PTBP2: variants seen among roughly 807,000 people sequenced by gnomAD.
The protein encoded by PTBP2 is polypyrimidine tract-binding protein 2.
PTBP2 carries 13 observed loss-of-function variants against 61.4 expected under a neutral mutation model. The ratio of observed to expected loss-of-function variants is 0.21; its 90% CI spans 0.14 to 0.34. The LOEUF (loss-of-function observed/expected upper bound fraction) is 0.34, where lower values mean the gene tolerates loss of function less well. Among genes scored for constraint, PTBP2 ranks in the 10% least tolerant of loss-of-function variants. PTBP2 has a pLI of 1.00. For missense variants in PTBP2, 405 were observed against 642.6 expected (o/e 0.63, Z 4.00); for synonymous variants, 215 against 218.5 (o/e 0.98, Z 0.14).
chr1:96,723,292 G>T (rs1649892612), intron 1 of PTBP2, among the ~76,000 whole-genome samples: 1 of 152,168 alleles, frequency 6.6e-6, no homozygotes, highest in South Asian at 2.1e-4. Flanking sequence ...TTGTAGAAAT[G>T]GCATAGTGTT....
At chr1:96,820,284 T>C (rs1369375673) in exon 14 of PTBP2, 1 of 152,074 alleles carries the variant, frequency 6.6e-6, no homozygotes, top group African/African-American at 2.4e-5. Flanking sequence ...CAGAAGACAT[T>C]TGCTATGTAC....
At chr1:96,777,526 G>T (rs554307163) in intron 5 of PTBP2, 59 bp from the exon 6 acceptor site, 1 of 1,460,940 alleles carries the variant, frequency 6.8e-7, no homozygotes, top group South Asian at 1.4e-5. Context: ...AGTGTAACAG[G>T]TTGCAAAGTA....
intron 8 of PTBP2, among the ~76,000 whole-genome samples, chr1:96,803,094 G>A (rs1250789645): frequency 1.3e-5 from 2 of 152,140 alleles, no homozygotes; most frequent in African/African-American, 4.8e-5. Flanking sequence ...GAGAGGTATA[G>A]TATTTAACAT....
At chr1:96,723,706 T>C in intron 2 of PTBP2, 112 bp downstream of exon 2, 1 of 913,178 alleles carries the variant, frequency 1.1e-6, no homozygotes, top group South Asian at 2.0e-5. Context: ...AACCCAAGTG[T>C]AAAATGTTTC....
chr1:96,806,897 T>A lies in PTBP2; in HGVS notation c.1110T>A (p.Ile370=). 6.2e-7 allele frequency: 1 copy of A among 1,612,308 alleles called. No individual in the cohort carries two copies. Among genetic ancestry groups the A allele is most frequent in the Non-Finnish European group, 8.5e-7 (1 of 1,179,470 alleles). ...ATGGAGATGTGCAGCGTGTGAAGAT[T>A]TTATACAATAAGAAAGACAGCGCTC... ...GVYGDVQRVK[I]LYNKKDSALI... The change falls in exon 11 of 14, where the codon ATT becomes ATA. Residue 370 remains isoleucine (I), a synonymous_variant. Transcript: ENST00000674951.
At chr1:96,791,607 A>G (rs115305996) in intron 8 of PTBP2, among the ~76,000 whole-genome samples, 2,735 of 152,170 alleles carry the variant, frequency 0.018, 35 homozygotes, top group Non-Finnish European at 0.027. Context: ...GAAGATACAT[A>G]TATACTGGTT....
chr1:96,731,621 A>G (rs919680574), intron 2 of PTBP2, among the ~76,000 whole-genome samples: 2 of 152,148 alleles, frequency 1.3e-5, no homozygotes, highest in Admixed American at 1.3e-4. Flanking sequence ...ATGTATTTAC[A>G]TTTAGAATAT....
intron 7 of PTBP2, among the ~76,000 whole-genome samples, chr1:96,778,184 T>A (rs1341166056): frequency 1.3e-5 from 2 of 149,378 alleles, no homozygotes; most frequent in Admixed American, 6.7e-5. Flanking sequence ...TTTTTTTTTT[T>A]AATTTAAGGA....
chr1:96,724,676 TG>T (rs1291521704), intron 2 of PTBP2, among the ~76,000 whole-genome samples: 2 of 78,712 alleles, frequency 2.5e-5, no homozygotes, highest in South Asian at 4.5e-4. Context: ...GTATCCATAA[TG>T]GGGGGAGGGG....
rs1248974196 is a variant in PTBP2 at position 96,723,415 on chromosome 1, C to T, written c.9-149C>T. The T allele has an allele frequency of 7.2e-6, 4 of 552,348 alleles. No homozygotes were observed. In the South Asian group the frequency reaches 1.4e-4, roughly 19 times the overall value. The allele number at this position is 552,348 out of a possible 1,614,324, so 34.2% of individuals were successfully genotyped here. On this transcript the variant is annotated intron_variant, in intron 1 of 13. Coordinates refer to ENST00000674951, the MANE Select transcript of PTBP2 (RefSeq NM_021190.4). ...GGTTGGTAACAGTACAGGTAAGTCA[C>T]GGATCATCTGTGGTATTTTTTATCC...
At chr1:96,730,878 G>A (rs990137712) in intron 2 of PTBP2, among the ~76,000 whole-genome samples, 1 of 152,134 alleles carries the variant, frequency 6.6e-6, no homozygotes, top group African/African-American at 2.4e-5. Flanking sequence ...AGGGATTATT[G>A]TCCATCATTG....
At chr1:96,821,818 AG>A (rs1453494141) in exon 14 of PTBP2, 2 of 152,032 alleles carry the variant, frequency 1.3e-5, no homozygotes, top group African/African-American at 4.8e-5. Flanking sequence ...TAGTAGAGAC[AG>A]GGTTTTACCA....
Position 96,723,610 on chromosome 1 carries a change from G to C in PTBP2, c.39+16G>C. 1 of 1,559,694 alleles carries C rather than the reference G, an allele frequency of 6.4e-7. No individual in the cohort carries two copies. Among genetic ancestry groups the C allele is most frequent in the Non-Finnish European group, 8.8e-7 (1 of 1,141,154 alleles). Reference sequence around the variant, plus strand: ...TGGCGTGAAGGTAGGAAAATACTATGTTTGAAACTGGGATTGTTGGATCTA... The same window carrying C: ...TGGCGTGAAGGTAGGAAAATACTATCTTTGAAACTGGGATTGTTGGATCTA... On this transcript the variant is annotated intron_variant, in intron 2 of 13. Transcript: ENST00000674951.
intron 5 of PTBP2, among the ~76,000 whole-genome samples, chr1:96,771,977 C>T (rs1390316241): frequency 6.6e-6 from 1 of 152,180 alleles, no homozygotes; most frequent in African/African-American, 2.4e-5. Context: ...TCTGTGGCCT[C>T]AAATGTGGGG....
intron 8 of PTBP2, among the ~76,000 whole-genome samples, chr1:96,799,973 G>A (rs943314897): frequency 4.6e-5 from 7 of 152,228 alleles, no homozygotes; most frequent in Non-Finnish European, 8.8e-5. Flanking sequence ...GACTACTCCA[G>A]TGATTTAGAA....
Position 96,739,621 on chromosome 1 carries a change from T to G in PTBP2, c.40-11804T>G, listed in dbSNP as rs971194374. Reference sequence around the variant, plus strand: ...ACAAAATCTGAAACTGGTGTGTGTTTTTTTTTTTTTTTTTTTTTTTTTTGA... The same window carrying G: ...ACAAAATCTGAAACTGGTGTGTGTTGTTTTTTTTTTTTTTTTTTTTTTTGA... On this transcript the variant is annotated intron_variant, in intron 2 of 13. Coordinates refer to ENST00000674951, the MANE Select transcript of PTBP2 (RefSeq NM_021190.4). 9.9e-5 allele frequency among the ~76,000 whole-genome samples: 13 copies of G among 131,978 alleles called. 1 individual carries two copies. The highest frequency in any genetic ancestry group is 2.6e-4 in the South Asian group (1 of 3,828). The allele number at this position is 131,978 out of a possible 152,430, so 86.6% of individuals were successfully genotyped here.
intron 2 of PTBP2, 125 bp from the exon 3 acceptor site, chr1:96,751,300 A>AT: frequency 1.3e-6 from 1 of 792,224 alleles, no homozygotes; most frequent in Non-Finnish European, 2.2e-6. Flanking sequence ...TTAATTTTTT[A>AT]TTATAGGGAT....
chr1:96,760,992 C>A (rs115420729), intron 3 of PTBP2, among the ~76,000 whole-genome samples: 1 of 151,986 alleles, frequency 6.6e-6, no homozygotes, highest in Non-Finnish European at 1.5e-5. Flanking sequence ...GTAGTACATG[C>A]GAAAACATGG....
chr1:96,753,891 G>C (rs1255742479), intron 3 of PTBP2, among the ~76,000 whole-genome samples: 1 of 152,166 alleles, frequency 6.6e-6, no homozygotes, highest in Non-Finnish European at 1.5e-5. Context: ...AAATCTGTCA[G>C]AGAGGAGAAA....
Sources: allele counts gnomAD v4.1 joint callset (sites outside exome capture counted in the v4.1 genomes callset), GRCh38; gene constraint gnomAD v4.1.1; transcripts MANE v1.5; gene names NCBI Gene and HGNC (gene_info 2026-07-23, HGNC 2026-07-21).